Variants in MMP8 observed in about 807,000 individuals in gnomAD.
MMP8 encodes the protein matrix metallopeptidase 8, also known as neutrophil collagenase.
MMP8 carries 67 observed loss-of-function variants against 51.2 expected under a neutral mutation model. The ratio of observed to expected loss-of-function variants is 1.31; its 90% CI spans 1.08 to 1.60. The LOEUF (loss-of-function observed/expected upper bound fraction) is 1.60. Ranked by LOEUF, MMP8 falls within the 40% of genes most tolerant of loss-of-function variation. The pLI, the probability that MMP8 is intolerant of heterozygous loss-of-function variation, is 0.00. For synonymous variants in MMP8, 225 were observed against 191.0 expected, an observed-to-expected ratio of 1.18 and a Z score of -1.47; for missense variants, 654 against 558.1, an observed-to-expected ratio of 1.17 and a Z score of -1.73.
In MMP8 at chr11:102,718,424, C is replaced by T. The variant is rs745305931; in HGVS notation, c.774G>A (p.Gln258=). 9 of 1,611,274 alleles carry T rather than the reference C, an allele frequency of 5.6e-6. No individual in the cohort carries two copies. The highest frequency in any genetic ancestry group is 7.6e-6 in the Non-Finnish European group (9 of 1,178,598). The change falls in exon 5 of 10, where the codon CAG becomes CAA. Residue 258 remains glutamine, a synonymous_variant. Coordinates refer to ENST00000236826, the MANE Select transcript of MMP8 (RefSeq NM_002424.3). The stretch of plus-strand genomic sequence containing the variant: ...TTGAGAAGACCTTACCATAGATGGC[C>T]TGAATGCCATCGATGTCATCTTGAG... ...SLPQDDIDGI[Q]AIYGLSSNPI...
chr11:102,715,509 T>C lies in MMP8; in HGVS notation c.903-72A>G, dbSNP rs1591673221. The stretch of plus-strand genomic sequence containing the variant: ...CTAAGTAGGCAGTTCCTGTGACTTT[T>C]AGGCTAGTGATGGTCCTTGTAGGAT... On this transcript the variant is annotated intron_variant, in intron 6 of 9. Coordinates refer to ENST00000236826, the MANE Select transcript of MMP8 (RefSeq NM_002424.3). 53 of 1,539,248 alleles carry C rather than the reference T, an allele frequency of 3.4e-5. No individual in the cohort carries two copies. The East Asian group carries it at 1.2e-3, about 34-fold the overall frequency.
intron 9 of MMP8, 50 bp downstream of exon 9, chr11:102,713,704 A>G (rs1861192853): frequency 1.4e-6 from 2 of 1,473,978 alleles, no homozygotes; most frequent in South Asian, 1.2e-5. Context: ...TGTCTCCTCT[A>G]TAATAAACAA....
intron 5 of MMP8, among the ~76,000 whole-genome samples, chr11:102,717,802 C>T (rs1452646147): frequency 6.6e-6 from 1 of 152,140 alleles, no homozygotes; most frequent in Middle Eastern, 3.2e-3. Flanking sequence ...ATAGTCATGT[C>T]TTTTTAGAAT....
At chr11:102,723,608 A>G (rs1050998346) in intron 1 of MMP8, 4 of 423,514 alleles carry the variant, frequency 9.4e-6, no homozygotes, top group African/African-American at 6.1e-5. Flanking sequence ...GGGGCAAAAC[A>G]CAAAGGGCAG....
At chr11:102,722,713 G>A in intron 1 of MMP8, 40 bp from the exon 2 acceptor site, 4 of 1,605,960 alleles carry the variant, frequency 2.5e-6, no homozygotes, top group South Asian at 1.1e-5. Flanking sequence ...GCTGTGAAAG[G>A]ACCTCCAGTT....
intron 4 of MMP8, among the ~76,000 whole-genome samples, chr11:102,720,868 T>C (rs1324103160): frequency 6.6e-6 from 1 of 152,188 alleles, no homozygotes; most frequent in African/African-American, 2.4e-5. Flanking sequence ...TTTCTAATTA[T>C]AGAAATTATA....
Position 102,714,642 on chromosome 11 carries a change from A to G in MMP8, c.1104T>C (p.Tyr368=). The G allele has an allele frequency of 2.6e-6, 4 of 1,556,514 alleles. No individual in the cohort carries two copies. Among genetic ancestry groups the G allele is most frequent in the Non-Finnish European group, 3.5e-6 (4 of 1,154,654 alleles). Residue 368 remains tyrosine (Y), a synonymous_variant, in exon 8 of 10, where the codon TAT becomes TAC. Transcript: ENST00000236826. ...LQGYPKDISN[Y]GFPSSVQAID... is the part of the protein sequence containing the mutation. Reference sequence around the variant, plus strand: ...TTGCTTGGACGCTGCTGGGGAAGCCATAGTTTGATATATCCTTGGGATAAC... The same window carrying G: ...TTGCTTGGACGCTGCTGGGGAAGCCGTAGTTTGATATATCCTTGGGATAAC...
chr11:102,722,871 T>C, intron 1 of MMP8, 198 bp from the exon 2 acceptor site: 1 of 1,032,682 alleles, frequency 9.7e-7, no homozygotes, highest in South Asian at 1.5e-5. Flanking sequence ...AGTGCTCCAG[T>C]TAATGGTTAT....
rs781059977 is a variant in MMP8, at chr11:102,718,594, T to G, written c.623-19A>C. The G allele has an allele frequency of 2.5e-6, 4 of 1,613,512 alleles. No homozygotes were observed. In the South Asian group the frequency reaches 4.4e-5, roughly 18 times the overall value. ...TTGTAATCTGAAATGCAAACACGGGTGGTAAACAGCTCAGTGTGGATCCCA... is the reference window on the plus strand; with the variant it reads ...TTGTAATCTGAAATGCAAACACGGGGGGTAAACAGCTCAGTGTGGATCCCA... On this transcript the variant is annotated intron_variant, in intron 4 of 9. Transcript: ENST00000236826.
intron 2 of MMP8, 52 bp from the exon 3 acceptor site, chr11:102,721,814 C>T: frequency 6.3e-7 from 1 of 1,587,444 alleles, no homozygotes; most frequent in Non-Finnish European, 8.6e-7. Flanking sequence ...GAACAGTAGT[C>T]CATCAACTGA....
In MMP8 at chr11:102,724,811, C is replaced by T. The variant is rs1861573397; in HGVS notation, c.45G>A (p.Val15=). The T allele has an allele frequency of 2.5e-6, 4 of 1,609,548 alleles. No individual in the cohort carries two copies. The highest frequency in any genetic ancestry group is 3.4e-6 in the Non-Finnish European group (4 of 1,177,366). The change falls in exon 1 of 10, where the codon GTG becomes GTA. Residue 15 remains valine, a synonymous_variant. Transcript: ENST00000236826. ...ATACAGGAAAGGCCTTGGAAATCTG[C>T]ACATGGAGTAAGAGCAGAAATGGAA... ...KTLPFLLLLH[V]QISKAFPVSS...
chr11:102,723,392 T>G, intron 1 of MMP8: 1 of 384,234 alleles, frequency 2.6e-6, no homozygotes, highest in Non-Finnish European at 5.2e-6. Context: ...CCTGGCACCT[T>G]GTCAGTGTCT....
intron 6 of MMP8, 82 bp from the exon 7 acceptor site, chr11:102,715,519 A>G (rs773637583): frequency 1.7e-5 from 26 of 1,515,618 alleles, no homozygotes; most frequent in African/African-American, 2.8e-5. Context: ...TAGGCTAGTG[A>G]TGGTCCTTGT....
At position 102,713,230 on chromosome 11, in the gene MMP8, G is replaced by A. The variant is rs1056926962; in HGVS notation, c.*118C>T. 2.8e-4 allele frequency: 195 copies of A among 690,790 alleles called. 2 individuals are homozygous for A. The highest frequency in any genetic ancestry group is 4.6e-5 in the Admixed American group (2 of 43,112). 42.8% of individuals were successfully genotyped at this position (690,790 alleles called of 1,614,324 possible). A position where few individuals can be genotyped will look rare whatever the true frequency, so the allele number is the denominator to read the frequency against. Reference sequence around the variant, plus strand: ...GGAGGACAGGTAGAATGGATACAGTGATGGGAAACAATGACTTAATATTGA... The same window carrying A: ...GGAGGACAGGTAGAATGGATACAGTAATGGGAAACAATGACTTAATATTGA... On this transcript the variant is annotated 3_prime_UTR_variant, in exon 10 of 10. Transcript: ENST00000236826.
In MMP8 at chr11:102,722,848, A is replaced by G; in HGVS notation, c.103-175T>C. Reference sequence around the variant, plus strand: ...GAGAACAACTCTTTTTAGAAAGAACAGTTCCTCCACTCAGTGCTCCAGTTA... The same window carrying G: ...GAGAACAACTCTTTTTAGAAAGAACGGTTCCTCCACTCAGTGCTCCAGTTA... On this transcript the variant is annotated intron_variant, in intron 1 of 9. Coordinates refer to ENST00000236826, the MANE Select transcript of MMP8 (RefSeq NM_002424.3). 2.7e-6 allele frequency: 3 copies of G among 1,093,428 alleles called. No individual in the cohort carries two copies. In the South Asian group the frequency reaches 4.8e-5, roughly 17 times the overall value. 67.7% of individuals were successfully genotyped at this position (1,093,428 alleles called of 1,614,324 possible).
Position 102,714,614 on chromosome 11 carries a change from C to T in MMP8, c.1132G>A (p.Asp378Asn), listed in dbSNP as rs1861225282. 1 of 1,525,452 alleles carries T rather than the reference C, an allele frequency of 6.6e-7. No individual in the cohort carries two copies. Among genetic ancestry groups the T allele is most frequent in the Admixed American group, 2.1e-5 (1 of 47,018 alleles). 94.5% of individuals were successfully genotyped at this position (1,525,452 alleles called of 1,614,324 possible). ...YGFPSSVQAI[D>N]AAVFYRSKTY... Reference sequence around the variant, plus strand: ...TTACTTCTGTAGAAAACAGCTGCGTCAATTGCTTGGACGCTGCTGGGGAAG... The same window carrying T: ...TTACTTCTGTAGAAAACAGCTGCGTTAATTGCTTGGACGCTGCTGGGGAAG... Residue 378 changes from aspartate (D) to asparagine (N), a missense_variant, in exon 8 of 10, where the codon GAC becomes AAC. By Grantham distance (23) the Asp-to-Asn change is conservative. Coordinates refer to ENST00000236826, the MANE Select transcript of MMP8 (RefSeq NM_002424.3).
chr11:102,713,408 A>G lies in MMP8; in HGVS notation c.1344T>C (p.Ile448=), dbSNP rs756619040. ...SGPRYYAFDL[I]AQRVTRVARG... ...TTGCAACTCTGGTAACTCTCTGAGC[A>G]ATAAGATCAAATGCGTAATATCTTG... Residue 448 remains isoleucine, a synonymous_variant, in exon 10 of 10, where the codon ATT becomes ATC. Transcript: ENST00000236826. 2 of 1,613,738 alleles carry G rather than the reference A, an allele frequency of 1.2e-6. No homozygotes were observed. Among genetic ancestry groups the G allele is most frequent in the South Asian group, 2.2e-5 (2 of 91,070 alleles).
chr11:102,715,899 A>G (rs1314876185), intron 6 of MMP8, among the ~76,000 whole-genome samples: 1 of 152,118 alleles, frequency 6.6e-6, no homozygotes, highest in Non-Finnish European at 1.5e-5. Context: ...TACTTGACTG[A>G]TTTTGGATGG....
At chr11:102,723,962 A>G in intron 1 of MMP8, 1 of 321,614 alleles carries the variant, frequency 3.1e-6, no homozygotes, top group Non-Finnish European at 6.6e-6. Flanking sequence ...TGAAAATAAT[A>G]ATGCTCCAAT....
Sources: gnomAD v4.1 joint callset for allele counts (sites outside exome capture counted in the v4.1 genomes callset) on GRCh38, gnomAD v4.1.1 for gene constraint, MANE v1.5 for transcripts, NCBI Gene and HGNC (gene_info 2026-07-23, HGNC 2026-07-21) for gene names.